Variants in CEP170 observed in about 807,000 individuals in gnomAD.
CEP170 encodes the protein centrosomal protein of 170 kDa.
Under a neutral mutation model 151.9 loss-of-function variants are expected in CEP170, and 21 were observed. The ratio of observed to expected loss-of-function variants is 0.14; its 90% CI spans 0.10 to 0.20. The LOEUF is 0.20. CEP170 is among the 10% of genes least tolerant of loss of function. The pLI, the probability that CEP170 is intolerant of heterozygous loss-of-function variation, is 1.00. For missense variants in CEP170, 964 were observed against 1,892.9 expected (o/e 0.51, Z 9.11); for synonymous variants, 356 against 648.8 (o/e 0.55, Z 6.86).
At chr1:243,234,790 A>G (rs1481188493) in intron 1 of CEP170, among the ~76,000 whole-genome samples, 1 of 152,228 alleles carries the variant, frequency 6.6e-6, no homozygotes, top group African/African-American at 2.4e-5. Flanking sequence ...ATTATCAAAT[A>G]AAGTCCAAAC....
intron 16 of CEP170, among the ~76,000 whole-genome samples, chr1:243,138,295 T>C (rs947828993): frequency 6.6e-6 from 1 of 151,180 alleles, no homozygotes; most frequent in African/African-American, 2.4e-5. Context: ...TAGGCTCTTT[T>C]CCTGATACCA....
intron 4 of CEP170, among the ~76,000 whole-genome samples, chr1:243,202,249 T>C (rs1420371129): frequency 6.6e-6 from 1 of 152,082 alleles, no homozygotes; most frequent in Non-Finnish European, 1.5e-5. Flanking sequence ...ACCTAAGCTA[T>C]GGGTACACAA....
rs1273175346 is a variant in CEP170, at chr1:243,244,550, C to T, written c.-42+10490G>A. Among the ~76,000 whole-genome samples, 8 of 152,152 alleles carry T rather than the reference C, an allele frequency of 5.3e-5. No homozygotes were observed. In the East Asian group the frequency reaches 1.5e-3, roughly 29 times the overall value. On this transcript the variant is annotated intron_variant, in intron 1 of 19. Transcript: ENST00000366542. ...TTGAGCTCAGGAACTTGAGACCGGC[C>T]TGGGCAACACGGTGAAACCCCATCT...
At chr1:243,152,562 C>T (rs2057208356) in intron 14 of CEP170, among the ~76,000 whole-genome samples, 2 of 98,964 alleles carry the variant, frequency 2.0e-5, no homozygotes, top group Non-Finnish European at 3.8e-5. Flanking sequence ...GATAGAGTCT[C>T]GCTCTGTCAC....
chr1:243,186,032 T>G lies in CEP170; in HGVS notation c.1313A>C (p.His438Pro). 1 of 1,613,774 alleles carries G rather than the reference T, an allele frequency of 6.2e-7. No homozygotes were observed. The highest frequency in any genetic ancestry group is 1.1e-5 in the South Asian group (1 of 91,074). Residue 438 changes from histidine (H) to proline (P), a missense_variant, in exon 10 of 20, where the codon CAT (histidine) becomes CCT (proline). Coordinates refer to ENST00000366542, the MANE Select transcript of CEP170 (RefSeq NM_014812.3). ...TGATTTCTGTTTTAACAATTTCCCA[T>G]GTGGAACACCATGCCCCCCTCTGTG... Reference protein sequence around the residue: ...AHHRGGHGVPHGKLLKQKSEE... With the variant: ...AHHRGGHGVPPGKLLKQKSEE...
chr1:243,210,608 A>ATATTT (rs2061716209), intron 4 of CEP170, among the ~76,000 whole-genome samples: 1 of 67,942 alleles, frequency 1.5e-5, no homozygotes, highest in African/African-American at 6.0e-5. Context: ...ATTTTTCGTA[A>ATATTT]TTTTTTTTTT....
At chr1:243,250,607 C>G (rs1572698044) in intron 1 of CEP170, among the ~76,000 whole-genome samples, 1 of 152,094 alleles carries the variant, frequency 6.6e-6, no homozygotes, top group East Asian at 1.9e-4. Context: ...ACCCCATGAC[C>G]AACATCAAAA....
chr1:243,240,110 A>AGAC (rs1260310101), intron 1 of CEP170, among the ~76,000 whole-genome samples: 1 of 152,196 alleles, frequency 6.6e-6, no homozygotes, highest in Non-Finnish European at 1.5e-5. Context: ...CAGAAGTTTG[A>AGAC]GACCAGTCTG....
intron 13 of CEP170, among the ~76,000 whole-genome samples, chr1:243,159,763 T>TTTTGTGTGTGTGTGTG (rs1553343086): frequency 7.9e-6 from 1 of 127,076 alleles, no homozygotes; most frequent in African/African-American, 3.0e-5. Context: ...GTTTCCGGTT[T>TTTTGTGTGTGTGTGTG]TGTGTGTGTG....
At chr1:243,157,459 A>G (rs1415838190) in intron 13 of CEP170, among the ~76,000 whole-genome samples, 1 of 152,234 alleles carries the variant, frequency 6.6e-6, no homozygotes. Context: ...CCAATAATGT[A>G]TACCTAGCAC....
rs2053585548 is a variant in CEP170, at chr1:243,124,888, T to C, written c.*1561A>G. ...AGAATAGTTCATTTACCTTTTTTTTTTTGTATTTAAAGAAAAATAGGAGAT... is the reference window on the plus strand; with the variant it reads ...AGAATAGTTCATTTACCTTTTTTTTCTTGTATTTAAAGAAAAATAGGAGAT... On this transcript the variant is annotated 3_prime_UTR_variant, in exon 20 of 20. Coordinates refer to ENST00000366542, the MANE Select transcript of CEP170 (RefSeq NM_014812.3). 6.6e-6 allele frequency: 1 copy of C among 152,592 alleles called. No individual in the cohort carries two copies. The highest frequency in any genetic ancestry group is 6.5e-5 in the Admixed American group (1 of 15,286). The allele number at this position is 152,592 out of a possible 1,614,324, so 9.5% of individuals were successfully genotyped here.
chr1:243,211,506 G>A (rs970941981), intron 4 of CEP170: 4 of 170,862 alleles, frequency 2.3e-5, no homozygotes, highest in African/African-American at 9.6e-5. Flanking sequence ...CATCCCAGGA[G>A]GCTGATTCAT....
chr1:243,164,325 G>C lies in CEP170; in HGVS notation c.3635C>G (p.Ser1212Cys). The change falls in exon 13 of 20, where the codon TCC becomes TGC. Residue 1212 changes from serine to cysteine, a missense_variant. Ser to Cys is a moderately radical substitution (Grantham distance 112). Transcript: ENST00000366542. Reference sequence around the variant, plus strand: ...AGCTGAGGTCATACTTTTGACCTTGGAGTCTGAGAGTCGAGAGATACTGTT... The same window carrying C: ...AGCTGAGGTCATACTTTTGACCTTGCAGTCTGAGAGTCGAGAGATACTGTT... ...RANSISRLSDSKVKSMTSAHG... is the reference protein window; with the variant it reads ...RANSISRLSDCKVKSMTSAHG... 1 of 1,525,710 alleles carries C rather than the reference G, an allele frequency of 6.6e-7. No homozygotes were observed. The allele number at this position is 1,525,710 out of a possible 1,614,324, so 94.5% of individuals were successfully genotyped here. A position where few individuals can be genotyped will look rare whatever the true frequency, so the allele number is the denominator to read the frequency against.
Position 243,125,984 on chromosome 1 carries a change from T to A in CEP170, c.*465A>T. Reference sequence around the variant, plus strand: ...TGTCATTGTGTCCAATGGTAATGAGTACTAATATAAATCCTATTATTAAGA... The same window carrying A: ...TGTCATTGTGTCCAATGGTAATGAGAACTAATATAAATCCTATTATTAAGA... On this transcript the variant is annotated 3_prime_UTR_variant, in exon 20 of 20. Transcript: ENST00000366542. 1 of 375,138 alleles carries A rather than the reference T, an allele frequency of 2.7e-6. No individual in the cohort carries two copies. The highest frequency in any genetic ancestry group is 7.1e-5 in the East Asian group (1 of 14,044). 23.2% of individuals were successfully genotyped at this position (375,138 alleles called of 1,614,324 possible). A position where few individuals can be genotyped will look rare whatever the true frequency, so the allele number is the denominator to read the frequency against.
intron 8 of CEP170, among the ~76,000 whole-genome samples, chr1:243,189,211 C>T (rs1163036263): frequency 1.3e-5 from 2 of 151,936 alleles, no homozygotes; most frequent in African/African-American, 4.8e-5. Context: ...GGAATTAGGC[C>T]CACAAATGGG....
chr1:243,203,973 A>G (rs2061238437), intron 4 of CEP170, among the ~76,000 whole-genome samples: 3 of 152,068 alleles, frequency 2.0e-5, no homozygotes, highest in Admixed American at 2.0e-4. Flanking sequence ...ATTTTAGGAG[A>G]TGATTATCTT....
chr1:243,173,239 T>C (rs2058986833), intron 10 of CEP170, among the ~76,000 whole-genome samples: 1 of 151,554 alleles, frequency 6.6e-6, no homozygotes, highest in Non-Finnish European at 1.5e-5. Context: ...TTTGTATTTG[T>C]AGTAGAGACA....
intron 13 of CEP170, among the ~76,000 whole-genome samples, chr1:243,158,892 C>T (rs2057800915): frequency 6.6e-6 from 1 of 151,902 alleles, no homozygotes; most frequent in Non-Finnish European, 1.5e-5. Flanking sequence ...CATGGTGAAA[C>T]CCCATCTCTA....
chr1:243,188,863 A>G (rs1182906492), intron 8 of CEP170, among the ~76,000 whole-genome samples: 1 of 152,256 alleles, frequency 6.6e-6, no homozygotes, highest in Non-Finnish European at 1.5e-5. Context: ...TTTATATCCT[A>G]AATCATGGAA....
Sources: gnomAD v4.1 joint callset for allele counts (sites outside exome capture counted in the v4.1 genomes callset) on GRCh38, gnomAD v4.1.1 for gene constraint, MANE v1.5 for transcripts, NCBI Gene and HGNC (gene_info 2026-07-23, HGNC 2026-07-21) for gene names.